The following GPCPD1 variants were observed in gnomAD, a reference collection of about 807,000 sequenced individuals.
The protein encoded by GPCPD1 is glycerophosphocholine phosphodiesterase GPCPD1.
A neutral mutation model predicts 89.2 loss-of-function variants in GPCPD1; 29 were observed. That is an observed-to-expected ratio of 0.33 (90% CI 0.24 to 0.44). The LOEUF is 0.44. GPCPD1 is among the 20% of genes least tolerant of loss of function. The pLI is 1.00. For missense variants in GPCPD1, 594 were observed against 808.9 expected (o/e 0.73, Z 3.22); for synonymous variants, 258 against 266.3 (o/e 0.97, Z 0.30).
chr20:5,565,439 G>A lies in GPCPD1; in HGVS notation c.1268-361C>T, dbSNP rs1986348255. ...TGTAGAAATGAGGTCTAGTTGCTCAGGCTGATCTTGAACTCCTGGCCTCAA... is the reference window on the plus strand; with the variant it reads ...TGTAGAAATGAGGTCTAGTTGCTCAAGCTGATCTTGAACTCCTGGCCTCAA... On this transcript the variant is annotated intron_variant, in intron 14 of 19. Transcript: ENST00000379019. 1.3e-5 allele frequency among the ~76,000 whole-genome samples: 2 copies of A among 152,064 alleles called. 1 individual carries two copies. Among genetic ancestry groups the A allele is most frequent in the South Asian group, 4.1e-4 (2 of 4,824 alleles).
At chr20:5,595,179 T>A (rs1979626225) in intron 3 of GPCPD1, among the ~76,000 whole-genome samples, 1 of 152,192 alleles carries the variant, frequency 6.6e-6, no homozygotes, top group Non-Finnish European at 1.5e-5. Flanking sequence ...AAGTATTTTT[T>A]AATTAAGGTA....
chr20:5,598,666 C>G, intron 3 of GPCPD1, 59 bp downstream of exon 3: 1 of 950,652 alleles, frequency 1.1e-6, no homozygotes, highest in Non-Finnish European at 1.7e-6. Context: ...TCTTAAAAGC[C>G]CCTAACATCA....
At chr20:5,607,579 A>G (rs1980677761) in intron 1 of GPCPD1, among the ~76,000 whole-genome samples, 1 of 152,140 alleles carries the variant, frequency 6.6e-6, no homozygotes, top group Non-Finnish European at 1.5e-5. Context: ...CTCCATCTCA[A>G]AAAAGAAAAA....
intron 1 of GPCPD1, among the ~76,000 whole-genome samples, chr20:5,609,420 T>C (rs898376704): frequency 6.6e-6 from 1 of 152,242 alleles, no homozygotes; most frequent in African/African-American, 2.4e-5. Context: ...CGTTAATGGA[T>C]CTTTATTTAA....
rs1440883443 is a variant in GPCPD1 at position 5,546,914 on chromosome 20, G to A, written c.*747C>T. On this transcript the variant is annotated 3_prime_UTR_variant, in exon 20 of 20. Coordinates refer to ENST00000379019, the MANE Select transcript of GPCPD1 (RefSeq NM_019593.5). ...ATGCTTAACACCTAAAGCATGCACT[G>A]AATTGAATTTGTATGTTGTGATCTA... 1 of 152,520 alleles carries A rather than the reference G, an allele frequency of 6.6e-6. No individual in the cohort carries two copies. The highest frequency in any genetic ancestry group is 2.4e-5 in the African/African-American group (1 of 41,408). The allele number at this position is 152,520 out of a possible 1,614,324, so 9.4% of individuals were successfully genotyped here.
chr20:5,582,215 A>AAAAAAAC (rs1978582275), intron 6 of GPCPD1, among the ~76,000 whole-genome samples: 1 of 145,790 alleles, frequency 6.9e-6, no homozygotes, highest in African/African-American at 2.5e-5. Context: ...AAAAAAAAAA[A>AAAAAAAC]AAAACTACTA....
chr20:5,549,833 GA>G (rs754675003), intron 19 of GPCPD1, among the ~76,000 whole-genome samples: 11 of 150,514 alleles, frequency 7.3e-5, no homozygotes, highest in African/African-American at 2.4e-4. Context: ...TAAATATATG[GA>G]AAAAAATGCA....
chr20:5,572,208 T>A (rs1193429096), intron 11 of GPCPD1, among the ~76,000 whole-genome samples: 2 of 152,072 alleles, frequency 1.3e-5, no homozygotes, highest in Non-Finnish European at 2.9e-5. Context: ...GACGAAGCCA[T>A]CACGTTTATA....
chr20:5,552,320 A>T (rs1482181644), intron 19 of GPCPD1, among the ~76,000 whole-genome samples: 1 of 152,116 alleles, frequency 6.6e-6, no homozygotes, highest in African/African-American at 2.4e-5. Flanking sequence ...TAGAACACAA[A>T]TCTTGTCAAA....
chr20:5,591,156 A>C (rs1202311727), intron 4 of GPCPD1, among the ~76,000 whole-genome samples: 2 of 152,258 alleles, frequency 1.3e-5, no homozygotes, highest in Admixed American at 1.3e-4. Flanking sequence ...TGTTCAAATA[A>C]GATACTATTT....
chr20:5,573,890 C>A, intron 11 of GPCPD1, 25 bp downstream of exon 11: 1 of 1,238,396 alleles, frequency 8.1e-7, no homozygotes, highest in South Asian at 1.2e-5. Flanking sequence ...CCTCAGCAGT[C>A]TAAAGTTGTT....
intron 11 of GPCPD1, among the ~76,000 whole-genome samples, chr20:5,572,805 T>TAA (rs746196541): frequency 2.2e-3 from 209 of 92,978 alleles, no homozygotes; most frequent in Admixed American, 7.7e-3. Context: ...CTAACTGGAT[T>TAA]AAAAAAAAAA....
Position 5,576,595 on chromosome 20 carries a change from A to AT in GPCPD1, c.706-618dup, listed in dbSNP as rs200740098. Among the ~76,000 whole-genome samples the AT allele has an allele frequency of 1.1e-3, 161 of 152,188 alleles. 2 individuals are homozygous for AT. The East Asian group carries it at 0.027, about 25-fold the overall frequency. On this transcript the variant is annotated intron_variant, in intron 8 of 19. Transcript: ENST00000379019. ...TTTCTTTGTACATTTTAAAATATAT[A>AT]TTTTTTTGAGAGAGTCTCATTCAGT... is the stretch of plus-strand genomic sequence containing the variant.
rs779748401 is a variant in GPCPD1 at position 5,593,414 on chromosome 20, G to T, written c.147-3C>A. On this transcript the variant is annotated splice_region_variant and splice_polypyrimidine_tract_variant and intron_variant, in intron 3 of 19. Coordinates refer to ENST00000379019, the MANE Select transcript of GPCPD1 (RefSeq NM_019593.5). ...CAATGGTTGCTTTCCATAGCATGCT[G>T]TGAAGAAAGAAAATTAAAAGCAGCA... The T allele has an allele frequency of 2.0e-6, 3 of 1,531,710 alleles. No individual in the cohort carries two copies. Among genetic ancestry groups the T allele is most frequent in the Non-Finnish European group, 9.0e-7 (1 of 1,107,312 alleles). The allele number at this position is 1,531,710 out of a possible 1,614,324, so 94.9% of individuals were successfully genotyped here.
intron 19 of GPCPD1, among the ~76,000 whole-genome samples, chr20:5,555,649 G>A (rs1271573821): frequency 1.3e-5 from 2 of 152,130 alleles, no homozygotes; most frequent in Non-Finnish European, 2.9e-5. Context: ...ACTTGGGGTC[G>A]GGAGTTCAAG....
At chr20:5,559,093 C>A (rs1472953952) in intron 17 of GPCPD1, among the ~76,000 whole-genome samples, 2 of 151,878 alleles carry the variant, frequency 1.3e-5, no homozygotes, top group Non-Finnish European at 1.5e-5. Context: ...TCCCAGCTAC[C>A]GAGGAGGCTG....
chr20:5,562,603 A>G (rs1036687982), intron 15 of GPCPD1, among the ~76,000 whole-genome samples: 1 of 152,156 alleles, frequency 6.6e-6, no homozygotes, highest in East Asian at 1.9e-4. Context: ...ATACTTCAAA[A>G]TTTTAGGTAT....
intron 19 of GPCPD1, 101 bp from the exon 20 acceptor site, chr20:5,547,951 G>T: frequency 1.7e-6 from 1 of 582,694 alleles, no homozygotes. Flanking sequence ...TTTACAGAAT[G>T]CCTGGAACAT....
chr20:5,566,724 G>A lies in GPCPD1; in HGVS notation c.1267+9C>T. 6.6e-7 allele frequency: 1 copy of A among 1,512,664 alleles called. No homozygotes were observed. The highest frequency in any genetic ancestry group is 2.3e-5 in the East Asian group (1 of 44,368). The allele number at this position is 1,512,664 out of a possible 1,614,324, so 93.7% of individuals were successfully genotyped here. A position where few individuals can be genotyped will look rare whatever the true frequency, so the allele number is the denominator to read the frequency against. ...AAAAGGAAAACAGTGTTTCCATATT[G>A]GTACATACCTTTCCGATCCTTAGAT... On this transcript the variant is annotated intron_variant, in intron 14 of 19. Coordinates refer to ENST00000379019, the MANE Select transcript of GPCPD1 (RefSeq NM_019593.5).
Sources: allele counts gnomAD v4.1 joint callset (sites outside exome capture counted in the v4.1 genomes callset), GRCh38; gene constraint gnomAD v4.1.1; transcripts MANE v1.5; gene names NCBI Gene and HGNC (gene_info 2026-07-23, HGNC 2026-07-21).